The following ADGRA3 variants were observed in gnomAD, a reference collection of about 807,000 sequenced individuals.
ADGRA3 encodes the protein adhesion G protein-coupled receptor A3.
In ADGRA3, 56 loss-of-function variants were observed where a neutral mutation model predicts 119.8. The observed-to-expected ratio is 0.47, with a 90% CI of 0.38 to 0.58. The LOEUF is 0.58. Ranked by LOEUF, ADGRA3 falls within the 20% of genes least tolerant of loss-of-function variation. The pLI is 0.00. For missense variants in ADGRA3, 1,516 were observed against 1,649.0 expected (o/e 0.92, Z 1.40); for synonymous variants, 607 against 623.8 (o/e 0.97, Z 0.40).
In ADGRA3 at chr4:22,515,789, C is replaced by G. The variant is rs1364640512; in HGVS notation, c.-5G>C. On this transcript the variant is annotated 5_prime_UTR_variant, in exon 1 of 19. Transcript: ENST00000334304. ...CCGGCGTCCGGGTGGCTCCATGCTG[C>G]GGGCCGGGGCCTGCGGGGCGAGCGG... 3 of 1,002,420 alleles carry G rather than the reference C, an allele frequency of 3.0e-6. No individual in the cohort carries two copies. Among genetic ancestry groups the G allele is most frequent in the African/African-American group, 1.8e-5 (1 of 56,994 alleles). 62.1% of individuals were successfully genotyped at this position (1,002,420 alleles called of 1,614,324 possible).
intron 5 of ADGRA3, among the ~76,000 whole-genome samples, chr4:22,445,909 A>G (rs1004198657): frequency 5.3e-5 from 8 of 152,370 alleles, no homozygotes; most frequent in Middle Eastern, 3.4e-3. Context: ...CTTAAATACT[A>G]TAATTACTAA....
intron 1 of ADGRA3, among the ~76,000 whole-genome samples, chr4:22,509,351 A>C (rs909596468): frequency 6.6e-6 from 1 of 151,866 alleles, no homozygotes; most frequent in African/African-American, 2.4e-5. Flanking sequence ...AGATCCAAAA[A>C]AATTAGCTGG....
chr4:22,515,470 GC>G, intron 1 of ADGRA3, 57 bp downstream of exon 1: 1 of 1,570,230 alleles, frequency 6.4e-7, no homozygotes, highest in African/African-American at 1.4e-5. Context: ...CCAAAGTTGA[GC>G]GGAGAGATAA....
chr4:22,420,612 T>C lies in ADGRA3; in HGVS notation c.1809+274A>G, dbSNP rs559128065. On this transcript the variant is annotated intron_variant, in intron 12 of 18. Transcript: ENST00000334304. ...AATAAGATTTTTTCACATGTAACAA[T>C]AGTATATTTGCATTTATACCACTGC... The C allele has an allele frequency of 4.3e-4, 223 of 516,200 alleles. 1 individual carries two copies. The highest frequency in any genetic ancestry group is 3.4e-3 in the African/African-American group (174 of 51,572). 32.0% of individuals were successfully genotyped at this position (516,200 alleles called of 1,614,324 possible). A position where few individuals can be genotyped will look rare whatever the true frequency, so the allele number is the denominator to read the frequency against.
intron 1 of ADGRA3, among the ~76,000 whole-genome samples, chr4:22,491,735 C>A (rs1215188432): frequency 6.6e-6 from 1 of 152,220 alleles, no homozygotes; most frequent in Non-Finnish European, 1.5e-5. Context: ...CAGCTATAAA[C>A]CTCCACTTGT....
At chr4:22,502,896 A>G (rs918750513) in intron 1 of ADGRA3, among the ~76,000 whole-genome samples, 18 of 44,970 alleles carry the variant, frequency 4.0e-4, no homozygotes, top group South Asian at 1.5e-3. Flanking sequence ...CTTAAGGGAA[A>G]AAAAAAAAAA....
intron 4 of ADGRA3, among the ~76,000 whole-genome samples, chr4:22,448,966 TA>T (rs1716926686): frequency 6.6e-6 from 1 of 151,856 alleles, no homozygotes; most frequent in Non-Finnish European, 1.5e-5. Context: ...TTTAAGAAAA[TA>T]AAAAAGATAA....
At position 22,515,787 on chromosome 4, in the gene ADGRA3, T is replaced by C. The variant is rs1201290475; in HGVS notation, c.-3A>G. On this transcript the variant is annotated 5_prime_UTR_variant, in exon 1 of 19. Coordinates refer to ENST00000334304, the MANE Select transcript of ADGRA3 (RefSeq NM_145290.4). ...CGCCGGCGTCCGGGTGGCTCCATGC[T>C]GCGGGCCGGGGCCTGCGGGGCGAGC... is the stretch of plus-strand genomic sequence containing the variant. 14 of 1,005,006 alleles carry C rather than the reference T, an allele frequency of 1.4e-5. No homozygotes were observed. The highest frequency in any genetic ancestry group is 8.9e-5 in the South Asian group (2 of 22,562). The allele number at this position is 1,005,006 out of a possible 1,614,324, so 62.3% of individuals were successfully genotyped here. A position where few individuals can be genotyped will look rare whatever the true frequency, so the allele number is the denominator to read the frequency against.
chr4:22,388,748 AATCCTGATGATTTATTTCGCCATTTTC>A lies in ADGRA3; in HGVS notation c.2896_2922del (p.Glu966_Asp974del). 1.9e-6 allele frequency: 3 copies of A among 1,614,042 alleles called. No homozygotes were observed. Among genetic ancestry groups the A allele is most frequent in the Non-Finnish European group, 2.5e-6 (3 of 1,179,932 alleles). On this transcript the variant is annotated inframe_deletion, in exon 19 of 19. Transcript: ENST00000334304. The stretch of plus-strand genomic sequence containing the variant: ...GTAGAAATCAGAGACAAAGACATTG[AATCCTGATGATTTATTTCGCCATTTTC>A]ATTGGCTGCCAATCTCTGTTGCTCC...
intron 16 of ADGRA3, among the ~76,000 whole-genome samples, chr4:22,397,026 C>CAA (rs2109000198): frequency 6.6e-6 from 1 of 152,216 alleles, no homozygotes; most frequent in African/African-American, 2.4e-5. Flanking sequence ...CTAATAGAGT[C>CAA]AAAATGGCTC....
intron 17 of ADGRA3, among the ~76,000 whole-genome samples, chr4:22,390,209 CCTCT>C (rs1577317670): frequency 6.6e-6 from 1 of 150,852 alleles, no homozygotes; most frequent in Admixed American, 6.6e-5. Flanking sequence ...GTCCTATCAC[CCTCT>C]CTGTCTTCTT....
At chr4:22,475,354 G>A (rs184409992) in intron 1 of ADGRA3, among the ~76,000 whole-genome samples, 3 of 152,252 alleles carry the variant, frequency 2.0e-5, no homozygotes, top group East Asian at 1.9e-4. Flanking sequence ...GTTTTCTGAC[G>A]TGTCAACTCA....
In ADGRA3 at chr4:22,442,743, A is replaced by G; in HGVS notation, c.827T>C (p.Leu276Ser). 1 of 1,612,586 alleles carries G rather than the reference A, an allele frequency of 6.2e-7. No individual in the cohort carries two copies. The highest frequency in any genetic ancestry group is 1.1e-5 in the South Asian group (1 of 91,052). The change falls in exon 7 of 19, where the codon TTG becomes TCG. Residue 276 changes from leucine (L) to serine (S), a missense_variant. Physicochemically the swap from Leu to Ser is moderately radical, Grantham distance 145. Around this residue, in one of 2 missense-constraint regions of ADGRA3, gnomAD observed 428 missense variants for 541.9 expected, o/e 0.79. Transcript: ENST00000334304. ...ASYIDQDMQV[L>S]WYQDGRIVET... ...AACTATTCTCCCATCCTGATACCAC[A>G]ACACTTGCATGTCCTGATCAATATA... is the stretch of plus-strand genomic sequence containing the variant.
intron 10 of ADGRA3, among the ~76,000 whole-genome samples, chr4:22,432,353 G>C (rs1005582957): frequency 3.3e-5 from 5 of 152,092 alleles, no homozygotes; most frequent in African/African-American, 7.2e-5. Context: ...AAGTGATTCT[G>C]ATGTGTGGTG....
At chr4:22,419,858 C>T (rs1330039308) in intron 12 of ADGRA3, among the ~76,000 whole-genome samples, 1 of 151,946 alleles carries the variant, frequency 6.6e-6, no homozygotes, top group Admixed American at 6.6e-5. Context: ...TCTCTTAGCG[C>T]CAATATTAAC....
chr4:22,427,698 G>A (rs1335537525), intron 10 of ADGRA3, among the ~76,000 whole-genome samples: 2 of 151,988 alleles, frequency 1.3e-5, no homozygotes, highest in Non-Finnish European at 2.9e-5. Context: ...ACACAAAAGG[G>A]GTAACAATGC....
chr4:22,429,558 G>A (rs372742696), intron 10 of ADGRA3, among the ~76,000 whole-genome samples: 4 of 152,056 alleles, frequency 2.6e-5, no homozygotes, highest in Non-Finnish European at 4.4e-5. Context: ...ACCACCTCCA[G>A]CATCAGGCCT....
chr4:22,419,274 G>A (rs1470312986), intron 12 of ADGRA3, among the ~76,000 whole-genome samples: 1 of 150,822 alleles, frequency 6.6e-6, no homozygotes, highest in Non-Finnish European at 1.5e-5. Context: ...TGCAAAGAAA[G>A]AGCAAAAACT....
In ADGRA3 at chr4:22,454,943, G is replaced by A. The variant is rs200174577; in HGVS notation, c.402-6C>T. On this transcript the variant is annotated splice_region_variant and splice_polypyrimidine_tract_variant and intron_variant, in intron 3 of 18. Coordinates refer to ENST00000334304, the MANE Select transcript of ADGRA3 (RefSeq NM_145290.4). ...TTCGATTGTTTGTCAGATCCCTAAG[G>A]AGAAGGGTGGAAAAGTGTCTTCAAT... 3.6e-4 allele frequency: 584 copies of A among 1,609,990 alleles called. 1 individual carries two copies. The highest frequency in any genetic ancestry group is 4.6e-4 in the Non-Finnish European group (537 of 1,176,264).
Sources: allele counts gnomAD v4.1 joint callset (sites outside exome capture counted in the v4.1 genomes callset), GRCh38; gene constraint gnomAD v4.1.1; regional missense constraint gnomAD v4.1.1; transcripts MANE v1.5; gene names NCBI Gene and HGNC (gene_info 2026-07-23, HGNC 2026-07-21).